Variants in TENM4 observed in about 807,000 individuals in gnomAD.
The protein encoded by TENM4 is teneurin transmembrane protein 4.
TENM4 carries 82 observed loss-of-function variants against 243.3 expected under a neutral mutation model. The observed-to-expected ratio is 0.34, with a 90% confidence interval of 0.28 to 0.40. TENM4 has a LOEUF of 0.40. TENM4 is among the 10% of genes least tolerant of loss of function. The pLI, the probability that TENM4 is intolerant of heterozygous loss-of-function variation, is 1.00. For missense variants in TENM4, 3,138 were observed against 3,673.3 expected (o/e 0.85, Z 3.77); for synonymous variants, 1,412 against 1,456.3 (o/e 0.97, Z 0.69).
intron 2 of TENM4, among the ~76,000 whole-genome samples, chr11:79,273,775 T>C (rs1856008379): frequency 6.6e-6 from 1 of 152,172 alleles, no homozygotes; most frequent in African/African-American, 2.4e-5. Context: ...GCGCTGTAAA[T>C]GCCCTGAACT....
intron 6 of TENM4, among the ~76,000 whole-genome samples, chr11:79,038,776 A>G (rs535467564): frequency 2.0e-4 from 30 of 152,360 alleles, no homozygotes; most frequent in African/African-American, 7.0e-4. Flanking sequence ...GGAAAAAACC[A>G]TCTTAAAACT....
chr11:78,817,636 T>A (rs753112204), intron 12 of TENM4, among the ~76,000 whole-genome samples: 1 of 152,180 alleles, frequency 6.6e-6, no homozygotes, highest in Non-Finnish European at 1.5e-5. Context: ...TTTAAAAAAT[T>A]AAAATTTTGA....
chr11:78,945,500 G>A (rs1856987721), intron 6 of TENM4, among the ~76,000 whole-genome samples: 1 of 152,148 alleles, frequency 6.6e-6, no homozygotes, highest in East Asian at 1.9e-4. Context: ...GAGACATAAT[G>A]ATATTGAAAT....
chr11:79,105,083 C>A (rs1309034434), intron 4 of TENM4, among the ~76,000 whole-genome samples: 1 of 152,196 alleles, frequency 6.6e-6, no homozygotes, highest in Non-Finnish European at 1.5e-5. Flanking sequence ...TCACACCTGA[C>A]CAAACCCACA....
chr11:79,003,803 G>A (rs1858400066), intron 6 of TENM4, among the ~76,000 whole-genome samples: 1 of 151,982 alleles, frequency 6.6e-6, no homozygotes. Flanking sequence ...ATAATAACCA[G>A]CTAACAACAT....
intron 3 of TENM4, among the ~76,000 whole-genome samples, chr11:79,210,050 T>C (rs570861223): frequency 1.3e-5 from 2 of 152,302 alleles, no homozygotes; most frequent in African/African-American, 4.8e-5. Flanking sequence ...ACAGACATAA[T>C]TGGCACCATA....
intron 1 of TENM4, among the ~76,000 whole-genome samples, chr11:79,430,768 C>A (rs1304889219): frequency 6.6e-6 from 1 of 152,188 alleles, no homozygotes; most frequent in Non-Finnish European, 1.5e-5. Flanking sequence ...GAATCTAGTT[C>A]TTTCCATCTT....
At chr11:79,336,970 A>C (rs1016981507) in intron 1 of TENM4, among the ~76,000 whole-genome samples, 1 of 152,194 alleles carries the variant, frequency 6.6e-6, no homozygotes, top group East Asian at 1.9e-4. Flanking sequence ...CACTTTGAGA[A>C]ATCCACATTC....
At chr11:78,925,306 TA>T (rs35916112) in intron 6 of TENM4, among the ~76,000 whole-genome samples, 1,668 of 145,072 alleles carry the variant, frequency 0.011, 18 homozygotes, top group Middle Eastern at 0.043. Flanking sequence ...TATTTTTACT[TA>T]AAAAAAAAAA....
intron 2 of TENM4, among the ~76,000 whole-genome samples, chr11:79,258,958 G>C (rs1855746259): frequency 1.3e-5 from 2 of 152,172 alleles, no homozygotes; most frequent in Admixed American, 6.5e-5. Flanking sequence ...CCTACTAGCT[G>C]TATGGCCAGG....
rs112496849 is a variant in TENM4, at chr11:79,065,185, C to G, written c.224-178G>C. On this transcript the variant is annotated intron_variant, in intron 5 of 33. Transcript: ENST00000278550. ...CTCTGCCTGGAGGGCTTTTTCTGCCCCCTCTTCATCAGCCTGAACCCTCCA... is the reference window on the plus strand; with the variant it reads ...CTCTGCCTGGAGGGCTTTTTCTGCCGCCTCTTCATCAGCCTGAACCCTCCA... Among the ~76,000 whole-genome samples, 457 of 152,246 alleles carry G rather than the reference C, an allele frequency of 3.0e-3. 4 individuals carry two copies. The highest frequency in any genetic ancestry group is 0.01 in the Middle Eastern group (3 of 294).
intron 3 of TENM4, among the ~76,000 whole-genome samples, chr11:79,168,480 A>G (rs1476356232): frequency 6.6e-6 from 1 of 152,120 alleles, no homozygotes; most frequent in Non-Finnish European, 1.5e-5. Flanking sequence ...CCGGGCAAAG[A>G]GTGGAACTGT....
intron 20 of TENM4, among the ~76,000 whole-genome samples, chr11:78,737,033 T>A (rs1209443262): frequency 6.6e-6 from 1 of 152,204 alleles, no homozygotes; most frequent in African/African-American, 2.4e-5. Flanking sequence ...ATGAATCTAC[T>A]CTAACCAACC....
chr11:78,969,922 C>T (rs1006365324), intron 6 of TENM4, among the ~76,000 whole-genome samples: 3 of 152,248 alleles, frequency 2.0e-5, no homozygotes, highest in African/African-American at 4.8e-5. Flanking sequence ...GCAGGTACCT[C>T]ATCTCAGTGG....
chr11:79,350,428 CTTTT>C (rs71278671), intron 1 of TENM4, among the ~76,000 whole-genome samples: 2 of 134,498 alleles, frequency 1.5e-5, no homozygotes, highest in African/African-American at 2.8e-5. Context: ...CCTTTCTTGG[CTTTT>C]TTTTTTTTTT....
chr11:78,710,229 A>G (rs1052277732), intron 26 of TENM4, among the ~76,000 whole-genome samples: 1 of 152,212 alleles, frequency 6.6e-6, no homozygotes, highest in Non-Finnish European at 1.5e-5. Context: ...TAAAACAGGG[A>G]TTCTAACATC....
chr11:78,685,530 G>A (rs555483946), intron 29 of TENM4, among the ~76,000 whole-genome samples: 77 of 152,238 alleles, frequency 5.1e-4, no homozygotes, highest in Admixed American at 1.4e-3. Flanking sequence ...ATGTGTCCAC[G>A]TATGCCTTTT....
At chr11:78,692,732 C>T (rs1858857031) in intron 28 of TENM4, among the ~76,000 whole-genome samples, 1 of 152,162 alleles carries the variant, frequency 6.6e-6, no homozygotes, top group Non-Finnish European at 1.5e-5. Context: ...CCTTCTTCTC[C>T]CTGTATCTGC....
intron 22 of TENM4, among the ~76,000 whole-genome samples, chr11:78,729,135 C>T (rs547696737): frequency 6.3e-4 from 96 of 152,312 alleles, no homozygotes; most frequent in African/African-American, 2.2e-3. Flanking sequence ...CACAAGCCAG[C>T]ACAGCACTTT....
Sources: allele counts gnomAD v4.1 joint callset (sites outside exome capture counted in the v4.1 genomes callset), GRCh38; gene constraint gnomAD v4.1.1; transcripts MANE v1.5; gene names NCBI Gene and HGNC (gene_info 2026-07-23, HGNC 2026-07-21).